Variants in PECAM1 observed in about 807,000 individuals in gnomAD.
PECAM1 encodes platelet and endothelial cell adhesion molecule 1.
In PECAM1, 8 loss-of-function variants were observed where a neutral mutation model predicts 13.8. The ratio of observed to expected loss-of-function variants is 0.58; its 90% confidence interval spans 0.34 to 1.05. The LOEUF is 1.05. Ranked by LOEUF, PECAM1 falls within the 50% of genes least tolerant of loss-of-function variation. PECAM1 has a pLI of 0.03. For synonymous variants in PECAM1, 136 were observed against 52.6 expected, an observed-to-expected ratio of 2.58 and a Z score of -6.86; for missense variants, 304 against 141.2, an observed-to-expected ratio of 2.15 and a Z score of -5.84.
chr17:64,328,460 C>T (rs967019922), intron 15 of PECAM1, among the ~76,000 whole-genome samples: 3 of 152,212 alleles, frequency 2.0e-5, no homozygotes, highest in Non-Finnish European at 4.4e-5. Context: ...CGCTATTCTA[C>T]CAGTGCAGGC....
At chr17:64,332,300 C>A (rs1175690716) in intron 14 of PECAM1, among the ~76,000 whole-genome samples, 1 of 151,932 alleles carries the variant, frequency 6.6e-6, no homozygotes, top group African/African-American at 2.4e-5. Context: ...CAAATCTGAC[C>A]TGCAAGGACC....
chr17:64,370,113 T>G (rs2036207220), intron 4 of PECAM1, 88 bp from the exon 5 acceptor site: 3 of 398,022 alleles, frequency 7.5e-6, no homozygotes. Context: ...CTTCCCCTTT[T>G]CAAACTTCTA....
chr17:64,373,144 TA>T (rs1297178001), intron 4 of PECAM1, among the ~76,000 whole-genome samples: 4 of 149,566 alleles, frequency 2.7e-5, no homozygotes, highest in African/African-American at 4.9e-5. Context: ...AATAAATAAA[TA>T]AAAAAAAAAG....
At chr17:64,326,358 T>C (rs1326400999) in intron 15 of PECAM1, among the ~76,000 whole-genome samples, 4 of 152,178 alleles carry the variant, frequency 2.6e-5, no homozygotes, top group African/African-American at 4.8e-5. Flanking sequence ...AGTGTCTCCA[T>C]TTTGTTTCAG....
At chr17:64,375,002 C>T (rs1194628861) in intron 4 of PECAM1, 49 bp downstream of exon 4, 7 of 463,036 alleles carry the variant, frequency 1.5e-5, no homozygotes, top group Non-Finnish European at 2.8e-5. Context: ...TCTCCCCATA[C>T]CAAACCAGAA....
Position 64,377,848 on chromosome 17 carries a change from C to A in PECAM1, c.361G>T (p.Ala121Ser). 1 of 475,302 alleles carries A rather than the reference C, an allele frequency of 2.1e-6. No individual in the cohort carries two copies. Among genetic ancestry groups the A allele is most frequent in the Non-Finnish European group, 3.9e-6 (1 of 259,084 alleles). 29.4% of individuals were successfully genotyped at this position (475,302 alleles called of 1,614,324 possible). Residue 121 changes from alanine (A) to serine (S), a missense_variant, in exon 3 of 16, where the codon GCA (alanine) becomes TCA (serine). Ala to Ser is a moderately conservative substitution (Grantham distance 99). Transcript: ENST00000563924. ...VIVNNKEKTT[A>S]EYQVLVEGVP... ...CCTTCCACCAACACCTGGTACTCTG[C>A]AGTGGTTTTCTCTTTGTTGTTCACA...
At chr17:64,362,839 A>G (rs1327762017) in intron 6 of PECAM1, among the ~76,000 whole-genome samples, 1 of 18,134 alleles carries the variant, frequency 5.5e-5, no homozygotes, top group Non-Finnish European at 0.019. Context: ...ACACGTCTCA[A>G]AAAAAAAAAA....
intron 7 of PECAM1, among the ~76,000 whole-genome samples, chr17:64,356,703 G>C (rs1363988570): frequency 1.3e-5 from 2 of 152,038 alleles, no homozygotes; most frequent in Non-Finnish European, 2.9e-5. Context: ...TGTTGGCCAG[G>C]CTGGTCTTGA....
At chr17:64,332,609 G>A (rs988413124) in intron 14 of PECAM1, among the ~76,000 whole-genome samples, 1 of 152,206 alleles carries the variant, frequency 6.6e-6, no homozygotes, top group South Asian at 2.1e-4. Context: ...GGTTGGCAGT[G>A]CCCTCTGGCC....
At chr17:64,344,780 C>T (rs1377941947) in intron 13 of PECAM1, among the ~76,000 whole-genome samples, 2 of 152,118 alleles carry the variant, frequency 1.3e-5, no homozygotes, top group African/African-American at 4.8e-5. Context: ...TCCTTAGCTG[C>T]CAAGGAGGAG....
chr17:64,354,149 C>T (rs1371590322), intron 9 of PECAM1, among the ~76,000 whole-genome samples: 1 of 152,040 alleles, frequency 6.6e-6, no homozygotes. Flanking sequence ...ACCATGTTGT[C>T]CCGGCTAGTC....
intron 4 of PECAM1, among the ~76,000 whole-genome samples, chr17:64,374,783 C>CAA (rs118196499): frequency 1.8e-3 from 266 of 147,542 alleles, no homozygotes; most frequent in Admixed American, 3.9e-3. Flanking sequence ...GACTCTGTCT[C>CAA]AAAAAAAAAA....
chr17:64,366,314 T>A (rs2036104089), intron 5 of PECAM1, among the ~76,000 whole-genome samples: 3 of 151,818 alleles, frequency 2.0e-5, no homozygotes, highest in African/African-American at 7.3e-5. Context: ...CATTAAAAAG[T>A]CAGGAAACAA....
intron 6 of PECAM1, among the ~76,000 whole-genome samples, chr17:64,362,229 T>C (rs1393724686): frequency 6.6e-6 from 1 of 152,210 alleles, no homozygotes; most frequent in Non-Finnish European, 1.5e-5. Context: ...AACCTGTATT[T>C]TAACCAGGTC....
At chr17:64,349,671 G>A (rs1055653048) in intron 12 of PECAM1, among the ~76,000 whole-genome samples, 10 of 151,606 alleles carry the variant, frequency 6.6e-5, no homozygotes, top group Non-Finnish European at 1.3e-4. Flanking sequence ...CAGATAACAA[G>A]GTCAGGAGTT....
intron 3 of PECAM1, among the ~76,000 whole-genome samples, chr17:64,376,875 C>A (rs903702660): frequency 1.1e-4 from 17 of 152,274 alleles, no homozygotes; most frequent in Non-Finnish European, 1.5e-5. Context: ...GCTTGGGAGG[C>A]TGAGACAGGA....
intron 15 of PECAM1, 128 bp from the exon 16 acceptor site, chr17:64,323,973 T>C: frequency 1.3e-6 from 1 of 797,188 alleles, no homozygotes; most frequent in Non-Finnish European, 2.3e-6. Flanking sequence ...CACACACTGG[T>C]CCCCCACCCT....
chr17:64,383,595 A>C (rs2036529508), intron 2 of PECAM1, among the ~76,000 whole-genome samples: 1 of 152,020 alleles, frequency 6.6e-6, no homozygotes, highest in Admixed American at 6.6e-5. Flanking sequence ...CTCATTCTGC[A>C]CTCCACAACT....
chr17:64,345,437 G>T (rs1488210232), intron 13 of PECAM1, among the ~76,000 whole-genome samples: 5 of 152,160 alleles, frequency 3.3e-5, no homozygotes, highest in Non-Finnish European at 1.5e-5. Context: ...AAGAGGCCAG[G>T]CCTGGTGGTT....
Sources: allele counts gnomAD v4.1 joint callset (sites outside exome capture counted in the v4.1 genomes callset), GRCh38; gene constraint gnomAD v4.1.1; transcripts MANE v1.5; gene names NCBI Gene and HGNC (gene_info 2026-07-23, HGNC 2026-07-21).